Variants in GMNC observed in about 807,000 individuals in gnomAD.
GMNC encodes geminin coiled-coil domain-containing protein 1.
In GMNC, 16 loss-of-function variants were observed where a neutral mutation model predicts 33.6. That is an observed-to-expected ratio of 0.48 (90% CI 0.32 to 0.72). The LOEUF is 0.72. Among genes scored for constraint, GMNC ranks in the 30% least tolerant of loss-of-function variants. The probability of loss-of-function intolerance (pLI) is 0.03; values close to 1 mark genes in which losing one functional copy is unlikely to be tolerated. For missense variants in GMNC, 393 were observed against 388.9 expected, an observed-to-expected ratio of 1.01 and a Z score of -0.09; for synonymous variants, 156 against 147.3, an observed-to-expected ratio of 1.06 and a Z score of -0.43.
chr3:190,860,990 G>T lies in GMNC; in HGVS notation c.4-132C>A, dbSNP rs1560038490. On this transcript the variant is annotated intron_variant, in intron 1 of 4. Coordinates refer to ENST00000442080, the MANE Select transcript of GMNC (RefSeq NM_001146686.3). ...ATAAAGAAAAAAAATCAGAAAAGGTGTTAAGTATAGATCCATATTAATTTT... is the reference window on the plus strand; with the variant it reads ...ATAAAGAAAAAAAATCAGAAAAGGTTTTAAGTATAGATCCATATTAATTTT... The T allele has an allele frequency of 4.8e-6, 3 of 626,568 alleles. No individual in the cohort carries two copies. The East Asian group carries it at 8.3e-5, about 17-fold the overall frequency. 38.8% of individuals were successfully genotyped at this position (626,568 alleles called of 1,614,324 possible).
chr3:190,855,398 G>A lies in GMNC; in HGVS notation c.902C>T (p.Pro301Leu). The A allele has an allele frequency of 1.3e-6, 2 of 1,551,996 alleles. No homozygotes were observed. Among genetic ancestry groups the A allele is most frequent in the Non-Finnish European group, 1.7e-6 (2 of 1,146,980 alleles). The change falls in exon 5 of 5, where the codon CCT becomes CTT. Residue 301 changes from proline (P) to leucine (L), a missense_variant. Transcript: ENST00000442080. ...TEMAFSTSLS[P>L]HCNVKTHSFH... is the part of the protein sequence containing the mutation. ...GGAATGAGTTTTCACATTACAATGA[G>A]GGCTCAGGGATGTGGAAAATGCCAT...
At chr3:190,844,227 G>T in the GMNC span, among the ~76,000 whole-genome samples, 3 of 151,782 alleles carry the variant, frequency 2.0e-5, no homozygotes, top group African/African-American at 7.3e-5. Flanking sequence ...TGTCTCTTTA[G>T]CTTTTCTCCA....
intron 2 of GMNC, among the ~76,000 whole-genome samples, chr3:190,860,255 A>G (rs887207520): frequency 6.6e-6 from 1 of 152,222 alleles, no homozygotes; most frequent in African/African-American, 2.4e-5. Context: ...CACACTATCC[A>G]TGGAACTTCC....
chr3:190,859,002 A>T lies in GMNC; in HGVS notation c.193T>A (p.Ser65Thr), dbSNP rs1577912493. ...CACAAGTCCGGAAGAGGAAAATTTG[A>T]GTCACTGAATGATTCTGTGAAAATA... ...APQAQESFSDSNFPLPDLCSW... is the reference protein window; with the variant it reads ...APQAQESFSDTNFPLPDLCSW... The change falls in exon 3 of 5, where the codon TCA (serine) becomes ACA (threonine). Residue 65 changes from serine to threonine, a missense_variant. Coordinates refer to ENST00000442080, the MANE Select transcript of GMNC (RefSeq NM_001146686.3). The T allele has an allele frequency of 6.5e-7, 1 of 1,545,432 alleles. No individual in the cohort carries two copies. Among genetic ancestry groups the T allele is most frequent in the Non-Finnish European group, 8.8e-7 (1 of 1,141,462 alleles).
At chr3:190,847,278 A>G in the GMNC span, among the ~76,000 whole-genome samples, 1 of 152,170 alleles carries the variant, frequency 6.6e-6, no homozygotes, top group Non-Finnish European at 1.5e-5. Flanking sequence ...CAGAAACGTC[A>G]TAGTTTGTAC....
chr3:190,855,866 T>C lies in GMNC; in HGVS notation c.434A>G (p.Lys145Arg). ...EFSKAYGKFRKGKRKSKEQRY... is the reference protein window; with the variant it reads ...EFSKAYGKFRRGKRKSKEQRY... The stretch of plus-strand genomic sequence containing the variant: ...TTGCTCTTTGGATTTTCTCTTCCCC[T>C]TCCTGAATTTTCCATATGCTTTGGA... Residue 145 changes from lysine to arginine, a missense_variant, in exon 5 of 5, where the codon AAG (lysine) becomes AGG (arginine). Transcript: ENST00000442080. 1 of 1,550,798 alleles carries C rather than the reference T, an allele frequency of 6.4e-7. No homozygotes were observed.
rs1304101121 is a variant in GMNC at position 190,861,826 on chromosome 3, T to C, written c.3+787A>G. ...CTGGGTTAATTTGTACAACACCAAATTTAAATTATTTGTCAATGTTTAATC... is the reference window on the plus strand; with the variant it reads ...CTGGGTTAATTTGTACAACACCAAACTTAAATTATTTGTCAATGTTTAATC... On this transcript the variant is annotated intron_variant, in intron 1 of 4. Coordinates refer to ENST00000442080, the MANE Select transcript of GMNC (RefSeq NM_001146686.3). This position sits in a 1 kb window ranked among gnomAD's most constrained non-coding sequence, Gnocchi z 5.1. Among the ~76,000 whole-genome samples the C allele has an allele frequency of 6.6e-6, 1 of 152,176 alleles. No individual in the cohort carries two copies. The highest frequency in any genetic ancestry group is 2.4e-5 in the African/African-American group (1 of 41,438).
At position 190,860,792 on chromosome 3, in the gene GMNC, T is replaced by C. The variant is rs1156357688; in HGVS notation, c.70A>G (p.Thr24Ala). 6 of 1,551,230 alleles carry C rather than the reference T, an allele frequency of 3.9e-6. No individual in the cohort carries two copies. The highest frequency in any genetic ancestry group is 5.2e-6 in the Non-Finnish European group (6 of 1,146,834). ...TCAACACTAGATTCTGACGTTGTAG[T>C]GGAATACGGGCAATTATAGCTCTGG... is the stretch of plus-strand genomic sequence containing the variant. Reference protein sequence around the residue: ...GGQSYNCPYSTTTSESSVDVS... With the variant: ...GGQSYNCPYSATTSESSVDVS... The change falls in exon 2 of 5, where the codon ACT becomes GCT. Residue 24 changes from threonine (T) to alanine (A), a missense_variant. Transcript: ENST00000442080.
Position 190,862,543 on chromosome 3 carries a change from A to G in GMNC, c.3+70T>C, listed in dbSNP as rs1447255219. The G allele has an allele frequency of 4.2e-6, 5 of 1,186,154 alleles. No homozygotes were observed. The allele number at this position is 1,186,154 out of a possible 1,614,324, so 73.5% of individuals were successfully genotyped here. A position where few individuals can be genotyped will look rare whatever the true frequency, so the allele number is the denominator to read the frequency against. On this transcript the variant is annotated intron_variant, in intron 1 of 4. Transcript: ENST00000442080. This position sits in a 1 kb window ranked among gnomAD's most constrained non-coding sequence, Gnocchi z 4.5. ...GCTCCGAAGGTGGAATAAATTCTAA[A>G]TGCAAAGCTTATTAACTTTCAGAGA...
chr3:190,860,632 G>C, intron 2 of GMNC, 52 bp downstream of exon 2: 1 of 1,465,516 alleles, frequency 6.8e-7, no homozygotes, highest in Non-Finnish European at 9.2e-7. Flanking sequence ...CGCAGCCACG[G>C]GTATGGAAAA....
the GMNC span, among the ~76,000 whole-genome samples, chr3:190,846,329 C>T: frequency 6.6e-6 from 1 of 152,072 alleles, no homozygotes; most frequent in Non-Finnish European, 1.5e-5. Flanking sequence ...CACAAATAGC[C>T]ATACCATGCA....
At chr3:190,857,751 T>C in intron 4 of GMNC, 32 bp downstream of exon 4, 1 of 1,061,316 alleles carries the variant, frequency 9.4e-7, no homozygotes, top group Admixed American at 2.0e-5. Context: ...ACTGCTTTGT[T>C]CTTATAAAGT....
In GMNC at chr3:190,857,766, A is replaced by T. The variant is rs983836423; in HGVS notation, c.384+17T>A. 1.8e-5 allele frequency: 21 copies of T among 1,180,002 alleles called. No individual in the cohort carries two copies. The highest frequency in any genetic ancestry group is 2.6e-5 in the Non-Finnish European group (21 of 807,478). The allele number at this position is 1,180,002 out of a possible 1,614,324, so 73.1% of individuals were successfully genotyped here. ...ACTGCTTTGTTCTTATAAAGTAGAT[A>T]CATACATCATACATACCTTGGCCTT... On this transcript the variant is annotated intron_variant, in intron 4 of 4. Coordinates refer to ENST00000442080, the MANE Select transcript of GMNC (RefSeq NM_001146686.3).
At position 190,855,566 on chromosome 3, in the gene GMNC, T is replaced by A. The variant is rs932609080; in HGVS notation, c.734A>T (p.Tyr245Phe). ...CAAGGGGGTTGTTCTGTCACCTCTATAGTCAATTGGCATATCCTCTCTGGG... is the reference window on the plus strand; with the variant it reads ...CAAGGGGGTTGTTCTGTCACCTCTAAAGTCAATTGGCATATCCTCTCTGGG... ...NIPREDMPID[Y>F]RGDRTTPLHS... Residue 245 changes from tyrosine (Y) to phenylalanine (F), a missense_variant, in exon 5 of 5, where the codon TAT (tyrosine) becomes TTT (phenylalanine). Tyr to Phe is a conservative substitution (Grantham distance 22, BLOSUM62 3). Coordinates refer to ENST00000442080, the MANE Select transcript of GMNC (RefSeq NM_001146686.3). 7.7e-6 allele frequency: 12 copies of A among 1,551,524 alleles called. No individual in the cohort carries two copies. In the Admixed American group the frequency reaches 2.2e-4, roughly 28 times the overall value.
Position 190,855,070 on chromosome 3 carries a change from G to C in GMNC, c.*225C>G. 5.5e-6 allele frequency: 3 copies of C among 545,286 alleles called. 1 individual carries two copies. In the South Asian group the frequency reaches 6.4e-5, roughly 12 times the overall value. 33.8% of individuals were successfully genotyped at this position (545,286 alleles called of 1,614,324 possible). ...GAGAGGATGTCAATAGCAGGTATTG[G>C]TGTGTAAACAAGTCAAATTTAGGTA... On this transcript the variant is annotated 3_prime_UTR_variant, in exon 5 of 5. Coordinates refer to ENST00000442080, the MANE Select transcript of GMNC (RefSeq NM_001146686.3).
chr3:190,859,572 G>T (rs1451626426), intron 2 of GMNC, among the ~76,000 whole-genome samples: 1 of 152,010 alleles, frequency 6.6e-6, no homozygotes, highest in Non-Finnish European at 1.5e-5. Flanking sequence ...AAACAATTTG[G>T]ACCTTGCTTC....
the GMNC span, among the ~76,000 whole-genome samples, chr3:190,843,412 G>T: frequency 1.4e-4 from 22 of 152,150 alleles, no homozygotes; most frequent in African/African-American, 5.1e-4. Flanking sequence ...TGTAGAACTC[G>T]ACCATAAACA....
chr3:190,861,694 T>C lies in GMNC; in HGVS notation c.4-836A>G, dbSNP rs1737874500. Among the ~76,000 whole-genome samples the C allele has an allele frequency of 6.6e-6, 1 of 152,188 alleles. No homozygotes were observed. The highest frequency in any genetic ancestry group is 2.1e-4 in the South Asian group (1 of 4,838). On this transcript the variant is annotated intron_variant, in intron 1 of 4. Transcript: ENST00000442080. The surrounding 1 kb of genome is among the most constrained non-coding windows in gnomAD (Gnocchi z 5.1). ...TTATCTTGCCATTAACTGGCATGTATTCTCCACTGTGTTCTGATCCAGTGA... is the reference window on the plus strand; with the variant it reads ...TTATCTTGCCATTAACTGGCATGTACTCTCCACTGTGTTCTGATCCAGTGA...
At chr3:190,859,916 A>G (rs1737825807) in intron 2 of GMNC, 3 of 409,086 alleles carry the variant, frequency 7.3e-6, no homozygotes, top group South Asian at 5.5e-5. Context: ...TTTTGTTTTT[A>G]CTGTTGCTTG....
Sources: gnomAD v4.1 joint callset for allele counts (sites outside exome capture counted in the v4.1 genomes callset) on GRCh38, gnomAD v4.1.1 for gene constraint, Gnocchi (gnomAD v3.1) non-coding constraint, MANE v1.5 for transcripts, NCBI Gene and HGNC (gene_info 2026-07-23, HGNC 2026-07-21) for gene names.